The following CRADD variants were observed in gnomAD, a reference collection of about 807,000 sequenced individuals.
CRADD encodes the protein CARD and death domain containing adaptor protein, also known as death domain-containing protein CRADD.
A neutral mutation model predicts 15.5 loss-of-function variants in CRADD; 9 were observed. The ratio of observed to expected loss-of-function variants is 0.58; its 90% CI spans 0.35 to 1.01. CRADD has a LOEUF of 1.01. Among genes scored for constraint, CRADD ranks in the 50% least tolerant of loss-of-function variants. The pLI is 0.02. For synonymous variants in CRADD, 118 were observed against 107.6 expected, an observed-to-expected ratio of 1.10 and a Z score of -0.60; for missense variants, 227 against 250.3, an observed-to-expected ratio of 0.91 and a Z score of 0.63.
At chr12:93,828,527 G>A (rs1419282029) in intron 2 of CRADD, among the ~76,000 whole-genome samples, 2 of 152,232 alleles carry the variant, frequency 1.3e-5, no homozygotes, top group African/African-American at 2.4e-5. Context: ...ATGTCTGCAT[G>A]TGTGTATGCA....
chr12:93,810,551 C>CAAAAAAAAAAAAA lies in CRADD; in HGVS notation c.299-39391_299-39379dup, dbSNP rs56689824. Among the ~76,000 whole-genome samples, 9 of 39,068 alleles carry CAAAAAAAAAAAAA rather than the reference C, an allele frequency of 2.3e-4. 1 individual carries two copies. The highest frequency in any genetic ancestry group is 3.7e-4 in the Non-Finnish European group (8 of 21,882). 25.6% of individuals were successfully genotyped at this position (39,068 alleles called of 152,430 possible). On this transcript the variant is annotated intron_variant, in intron 2 of 2. Coordinates refer to ENST00000332896, the MANE Select transcript of CRADD (RefSeq NM_003805.5). ...GGGCAACAAGAGCGCAAATCAGTCT[C>CAAAAAAAAAAAAA]AAAAAAAAAAAAAAAAAAAAAAAAA...
At chr12:93,842,893 T>C (rs1002215251) in intron 2 of CRADD, among the ~76,000 whole-genome samples, 4 of 152,078 alleles carry the variant, frequency 2.6e-5, no homozygotes, top group African/African-American at 9.7e-5. Context: ...AATGGGGTTG[T>C]CAGTATATAT....
chr12:93,730,967 C>A (rs1956453992), intron 2 of CRADD, among the ~76,000 whole-genome samples: 1 of 152,130 alleles, frequency 6.6e-6, no homozygotes, highest in South Asian at 2.1e-4. Flanking sequence ...ATCTGCCTGC[C>A]TTGGCCTCCC....
chr12:93,724,788 G>A (rs1956324428), intron 2 of CRADD, among the ~76,000 whole-genome samples: 2 of 151,978 alleles, frequency 1.3e-5, no homozygotes, highest in Non-Finnish European at 2.9e-5. Context: ...GTTTTATTTT[G>A]CTACAAAGGA....
rs188231690 is a variant in CRADD, at chr12:93,762,242, C to T, written c.298+83170C>T. On this transcript the variant is annotated intron_variant, in intron 2 of 2. Coordinates refer to ENST00000332896, the MANE Select transcript of CRADD (RefSeq NM_003805.5). Reference sequence around the variant, plus strand: ...ATTGCAGCTGCTACTCTGGGGGTTACATCAGGCAAGTGATTTGTCAATAAG... The same window carrying T: ...ATTGCAGCTGCTACTCTGGGGGTTATATCAGGCAAGTGATTTGTCAATAAG... Among the ~76,000 whole-genome samples the T allele has an allele frequency of 2.5e-3, 382 of 152,294 alleles. 3 individuals are homozygous for T. Among genetic ancestry groups the T allele is most frequent in the African/African-American group, 8.5e-3 (352 of 41,560 alleles).
intron 2 of CRADD, among the ~76,000 whole-genome samples, chr12:93,778,478 C>G (rs1957163850): frequency 6.6e-6 from 1 of 152,128 alleles, no homozygotes; most frequent in African/African-American, 2.4e-5. Flanking sequence ...CTTAGCCATA[C>G]TTATTAGACT....
chr12:93,837,743 A>G (rs1415144263), intron 2 of CRADD: 2 of 152,246 alleles, frequency 1.3e-5, no homozygotes, highest in Non-Finnish European at 2.9e-5. Flanking sequence ...TCACTTCTAA[A>G]AAAGATAATA....
chr12:93,871,450 A>G (rs1199828051), intron 2 of CRADD, among the ~76,000 whole-genome samples: 3 of 152,144 alleles, frequency 2.0e-5, no homozygotes, highest in African/African-American at 7.2e-5. Flanking sequence ...ATATACAATT[A>G]AGTTATTATT....
chr12:93,712,907 T>A (rs1282844624), intron 2 of CRADD, among the ~76,000 whole-genome samples: 1 of 151,838 alleles, frequency 6.6e-6, no homozygotes, highest in African/African-American at 2.4e-5. Context: ...TTTTTTCAGG[T>A]GACTACTGAG....
intron 2 of CRADD, among the ~76,000 whole-genome samples, chr12:93,735,150 A>G (rs1408576284): frequency 1.3e-5 from 2 of 152,188 alleles, no homozygotes; most frequent in Non-Finnish European, 2.9e-5. Flanking sequence ...AAATAAATGA[A>G]TGAACAAACA....
At chr12:93,730,897 G>C (rs1028106919) in intron 2 of CRADD, among the ~76,000 whole-genome samples, 4 of 151,888 alleles carry the variant, frequency 2.6e-5, no homozygotes, top group Non-Finnish European at 4.4e-5. Flanking sequence ...TATATTTTTA[G>C]TAGAGACGGG....
intron 2 of CRADD, among the ~76,000 whole-genome samples, chr12:93,879,920 G>T (rs190762067): frequency 1.3e-4 from 20 of 152,246 alleles, no homozygotes; most frequent in African/African-American, 4.6e-4. Context: ...TTTTTCTCTT[G>T]AGAAAATTAG....
At chr12:93,810,282 C>T (rs1444911980) in intron 2 of CRADD, among the ~76,000 whole-genome samples, 1 of 152,096 alleles carries the variant, frequency 6.6e-6, no homozygotes, top group Admixed American at 6.5e-5. Flanking sequence ...GGCACGGTGG[C>T]TCACGCCTGT....
chr12:93,794,612 C>T (rs1208794966), intron 2 of CRADD, among the ~76,000 whole-genome samples: 1 of 152,190 alleles, frequency 6.6e-6, no homozygotes, highest in African/African-American at 2.4e-5. Flanking sequence ...ACATCTCTCA[C>T]TGGACTTCCA....
At position 93,698,947 on chromosome 12, in the gene CRADD, C is replaced by T. The variant is rs148916712; in HGVS notation, c.298+19875C>T. ...CAGAGTCAGGTAGCTGCAACAGAGACCTTATGGTCCACAAAACCTAAAATG... is the reference window on the plus strand; with the variant it reads ...CAGAGTCAGGTAGCTGCAACAGAGATCTTATGGTCCACAAAACCTAAAATG... On this transcript the variant is annotated intron_variant, in intron 2 of 2. Transcript: ENST00000332896. Among the ~76,000 whole-genome samples, 883 of 152,202 alleles carry T rather than the reference C, an allele frequency of 5.8e-3. 11 individuals carry two copies. The highest frequency in any genetic ancestry group is 0.02 in the African/African-American group (840 of 41,508).
chr12:93,755,260 C>G (rs890032462), intron 2 of CRADD, among the ~76,000 whole-genome samples: 4 of 152,196 alleles, frequency 2.6e-5, no homozygotes, highest in African/African-American at 9.6e-5. Flanking sequence ...GGTGGGGACA[C>G]AGCCAAACCA....
At chr12:93,813,318 G>A (rs939239075) in intron 2 of CRADD, among the ~76,000 whole-genome samples, 2 of 152,072 alleles carry the variant, frequency 1.3e-5, no homozygotes, top group African/African-American at 2.4e-5. Context: ...ATAGTCTTTG[G>A]GCTTTTACAA....
chr12:93,756,161 A>G (rs1473289271), intron 2 of CRADD, among the ~76,000 whole-genome samples: 1 of 152,330 alleles, frequency 6.6e-6, no homozygotes, highest in East Asian at 1.9e-4. Flanking sequence ...ATTTATGTTC[A>G]TTACTTACTG....
rs1955878625 is a variant in CRADD at position 93,703,364 on chromosome 12, T to TC, written c.298+24292_298+24293insC. Among the ~76,000 whole-genome samples the TC allele has an allele frequency of 2.0e-5, 3 of 151,050 alleles. No homozygotes were observed. In the South Asian group the frequency reaches 6.3e-4, roughly 32 times the overall value. On this transcript the variant is annotated intron_variant, in intron 2 of 2. Coordinates refer to ENST00000332896, the MANE Select transcript of CRADD (RefSeq NM_003805.5). ...TTTACTTTCTTTTTCTTTTTCTTTT[T>TC]TTTTTTTTTTTGAGACAGGGTCTGG...
Sources: gnomAD v4.1 joint callset for allele counts (sites outside exome capture counted in the v4.1 genomes callset) on GRCh38, gnomAD v4.1.1 for gene constraint, MANE v1.5 for transcripts, NCBI Gene and HGNC (gene_info 2026-07-23, HGNC 2026-07-21) for gene names.